The following DIP2A variants were observed in gnomAD, a reference collection of about 807,000 sequenced individuals.
DIP2A encodes disco-interacting protein 2 homolog A.
DIP2A carries 85 observed loss-of-function variants against 177.4 expected under a neutral mutation model. That is an observed-to-expected ratio of 0.48 (90% CI 0.40 to 0.57). The LOEUF (loss-of-function observed/expected upper bound fraction) is 0.57, where lower values mean the gene tolerates loss of function less well. Among genes scored for constraint, DIP2A ranks in the 20% least tolerant of loss-of-function variants. DIP2A has a pLI of 0.00. For synonymous variants in DIP2A, 886 were observed against 881.8 expected (o/e 1.00, Z -0.08); for missense variants, 1,791 against 2,100.2 (o/e 0.85, Z 2.88).
At chr21:46,519,233 C>A (rs1601634817) in intron 8 of DIP2A, among the ~76,000 whole-genome samples, 1 of 152,124 alleles carries the variant, frequency 6.6e-6, no homozygotes, top group Non-Finnish European at 1.5e-5. Context: ...GGGGACTTGG[C>A]CAGCTTCTTC....
chr21:46,505,961 C>T (rs2057958510), intron 6 of DIP2A, among the ~76,000 whole-genome samples: 1 of 152,156 alleles, frequency 6.6e-6, no homozygotes, highest in Admixed American at 6.5e-5. Flanking sequence ...TGGCTGTTCA[C>T]CTGTTGATGT....
chr21:46,529,687 C>T (rs542995922), intron 9 of DIP2A, among the ~76,000 whole-genome samples: 13 of 151,546 alleles, frequency 8.6e-5, no homozygotes, highest in East Asian at 3.9e-4. Flanking sequence ...TTTCTGCACT[C>T]GTTGTTTCAT....
At chr21:46,545,109 T>A (rs1799706733) in intron 18 of DIP2A, 28 bp from the exon 19 acceptor site, 1 of 1,566,888 alleles carries the variant, frequency 6.4e-7, no homozygotes, top group Non-Finnish European at 8.7e-7. Flanking sequence ...ACGTTCTTGA[T>A]AATTTTGAGT....
At chr21:46,538,658 C>T (rs1486547383) in intron 16 of DIP2A, 56 bp downstream of exon 16, 2 of 1,533,758 alleles carry the variant, frequency 1.3e-6, no homozygotes, top group Non-Finnish European at 1.8e-6. Context: ...TCCTGCAAAC[C>T]AAAGTAGAAT....
chr21:46,464,813 ATGTCTTTTTT>A (rs2054648521), intron 1 of DIP2A, among the ~76,000 whole-genome samples: 1 of 52,564 alleles, frequency 1.9e-5, no homozygotes, highest in Non-Finnish European at 3.7e-5. Context: ...CTTAATATTC[ATGTCTTTTTT>A]TTTTTTTTTT....
chr21:46,539,960 T>TAC lies in DIP2A; in HGVS notation c.2005_2006insAC (p.Ser669TyrfsTer6). The TAC allele has an allele frequency of 6.2e-7, 1 of 1,613,978 alleles. No homozygotes were observed. The highest frequency in any genetic ancestry group is 8.5e-7 in the Non-Finnish European group (1 of 1,179,870). ...AGAGGTCATCTGTCCTTGTGCAAGT[T>TAC]CTCCTGAGGCGCTGACTGTCGCCAT... On this transcript the variant is annotated frameshift_variant, in exon 17 of 38. Coordinates refer to ENST00000417564, the MANE Select transcript of DIP2A (RefSeq NM_015151.4). LOFTEE classifies it high-confidence loss of function.
intron 18 of DIP2A, among the ~76,000 whole-genome samples, chr21:46,543,435 C>T (rs2148825725): frequency 6.6e-6 from 1 of 151,976 alleles, no homozygotes; most frequent in South Asian, 2.1e-4. Flanking sequence ...CACACCTCCT[C>T]CCCCGGGCGT....
chr21:46,536,382 T>A (rs1347195593), intron 13 of DIP2A, among the ~76,000 whole-genome samples: 1 of 152,160 alleles, frequency 6.6e-6, no homozygotes, highest in Admixed American at 6.5e-5. Flanking sequence ...CTTCCTAAGA[T>A]GTGTTAGCTG....
intron 8 of DIP2A, among the ~76,000 whole-genome samples, chr21:46,517,597 C>A (rs1456153476): frequency 6.6e-6 from 1 of 152,230 alleles, no homozygotes; most frequent in Non-Finnish European, 1.5e-5. Flanking sequence ...CCTCTGATGG[C>A]TTCCCAGCCG....
At chr21:46,535,940 T>C (rs1279761216) in intron 13 of DIP2A, among the ~76,000 whole-genome samples, 1 of 152,076 alleles carries the variant, frequency 6.6e-6, no homozygotes, top group Non-Finnish European at 1.5e-5. Flanking sequence ...GGTGACCTTC[T>C]AGGAGTGGGG....
At position 46,556,650 on chromosome 21, in the gene DIP2A, T is replaced by C; in HGVS notation, c.3499-289T>C. 1 of 374,800 alleles carries C rather than the reference T, an allele frequency of 2.7e-6. No individual in the cohort carries two copies. The highest frequency in any genetic ancestry group is 5.0e-6 in the Non-Finnish European group (1 of 201,084). The allele number at this position is 374,800 out of a possible 1,614,324, so 23.2% of individuals were successfully genotyped here. A position where few individuals can be genotyped will look rare whatever the true frequency, so the allele number is the denominator to read the frequency against. ...GTGAGCCGAGATTGTGCCATTGCACTCCAGCCTGGGCGACAGAGCAAGACT... is the reference window on the plus strand; with the variant it reads ...GTGAGCCGAGATTGTGCCATTGCACCCCAGCCTGGGCGACAGAGCAAGACT... On this transcript the variant is annotated intron_variant, in intron 29 of 37. Coordinates refer to ENST00000417564, the MANE Select transcript of DIP2A (RefSeq NM_015151.4). The surrounding 1 kb of genome is among the most constrained non-coding windows in gnomAD (Gnocchi z 4.5).
In DIP2A at chr21:46,504,615, A is replaced by T. The variant is rs1040113418; in HGVS notation, c.784+126A>T. 2.6e-6 allele frequency: 3 copies of T among 1,162,698 alleles called. No individual in the cohort carries two copies. The East Asian group carries it at 7.8e-5, about 30-fold the overall frequency. The allele number at this position is 1,162,698 out of a possible 1,614,324, so 72.0% of individuals were successfully genotyped here. A position where few individuals can be genotyped will look rare whatever the true frequency, so the allele number is the denominator to read the frequency against. ...CAAACGTCAGTTTTAATCCATGCAG[A>T]TAAATAGAAACCAGTGTGTGCAGTT... is the stretch of plus-strand genomic sequence containing the variant. On this transcript the variant is annotated intron_variant, in intron 6 of 37. Coordinates refer to ENST00000417564, the MANE Select transcript of DIP2A (RefSeq NM_015151.4).
intron 10 of DIP2A, among the ~76,000 whole-genome samples, chr21:46,532,647 C>A (rs1419318302): frequency 6.6e-6 from 1 of 152,096 alleles, no homozygotes; most frequent in Non-Finnish European, 1.5e-5. Flanking sequence ...ATAAATATAT[C>A]ATTACAGTGA....
chr21:46,560,712 C>T lies in DIP2A; in HGVS notation c.3970-10C>T. 2 of 1,604,958 alleles carry T rather than the reference C, an allele frequency of 1.2e-6. No individual in the cohort carries two copies. Among genetic ancestry groups the T allele is most frequent in the Non-Finnish European group, 1.7e-6 (2 of 1,176,106 alleles). ...CCTGAACAGAAGTTCCTCTGCTGCT[C>T]TCCTTCCAGGGCACAGCTGGCCCGG... On this transcript the variant is annotated splice_polypyrimidine_tract_variant and intron_variant, in intron 32 of 37. Coordinates refer to ENST00000417564, the MANE Select transcript of DIP2A (RefSeq NM_015151.4).
At chr21:46,578,026 T>C in the DIP2A span, among the ~76,000 whole-genome samples, 2 of 152,146 alleles carry the variant, frequency 1.3e-5, no homozygotes, top group Non-Finnish European at 2.9e-5. Flanking sequence ...TTAAGAAGCT[T>C]TTGGAGGCTG....
At chr21:46,539,069 C>T (rs1237078159) in intron 16 of DIP2A, 4 of 185,200 alleles carry the variant, frequency 2.2e-5, no homozygotes, top group South Asian at 1.1e-4. Context: ...TGCCTGACCA[C>T]GTAGGGCCTC....
At chr21:46,473,676 C>T (rs1036807829) in intron 1 of DIP2A, among the ~76,000 whole-genome samples, 4 of 152,032 alleles carry the variant, frequency 2.6e-5, no homozygotes, top group African/African-American at 9.7e-5. Context: ...CCACCACGCC[C>T]GGCTAATTTT....
Position 46,558,339 on chromosome 21 carries a change from C to T in DIP2A, c.3915C>T (p.Ala1305=), listed in dbSNP as rs746221024. 4 of 1,607,730 alleles carry T rather than the reference C, an allele frequency of 2.5e-6. No homozygotes were observed. The African/African-American group carries it at 5.3e-5, about 21-fold the overall frequency. Residue 1305 remains alanine (A), a synonymous_variant, in exon 32 of 38, where the codon GCC becomes GCT. Transcript: ENST00000417564. ...TCTTCAAGGACCTGGGCCTGCCGGCCCGCGCCGTAAGCACCACGTTCGGGT... is the reference window on the plus strand; with the variant it reads ...TCTTCAAGGACCTGGGCCTGCCGGCTCGCGCCGTAAGCACCACGTTCGGGT... ...SKLFKDLGLP[A]RAVSTTFGCR... is the part of the protein sequence containing the mutation.
intron 1 of DIP2A, among the ~76,000 whole-genome samples, chr21:46,482,661 T>G (rs1357039273): frequency 2.0e-5 from 3 of 152,228 alleles, no homozygotes; most frequent in African/African-American, 7.2e-5. Flanking sequence ...ATGCATGTTA[T>G]TACCCTTGTG....
Sources: allele counts gnomAD v4.1 joint callset (sites outside exome capture counted in the v4.1 genomes callset), GRCh38; gene constraint gnomAD v4.1.1; non-coding constraint Gnocchi (gnomAD v3.1); transcripts MANE v1.5; gene names NCBI Gene and HGNC (gene_info 2026-07-23, HGNC 2026-07-21).